Variants in METTL15 observed in about 807,000 individuals in gnomAD.
The protein encoded by METTL15 is 12S rRNA N(4)-cytidine methyltransferase METTL15.
A neutral mutation model predicts 38.3 loss-of-function variants in METTL15; 34 were observed. That is an observed-to-expected ratio of 0.89 (90% CI 0.68 to 1.18). The LOEUF (loss-of-function observed/expected upper bound fraction) is 1.18, where lower values mean the gene tolerates loss of function less well. Among genes scored for constraint, METTL15 ranks in the 50% most tolerant of loss-of-function variants. The pLI, the probability that METTL15 is intolerant of heterozygous loss-of-function variation, is 0.00. For missense variants in METTL15, 438 were observed against 498.4 expected (o/e 0.88, Z 1.15); for synonymous variants, 162 against 170.9 (o/e 0.95, Z 0.41).
At position 28,296,743 on chromosome 11, in the gene METTL15, T is replaced by G. The variant is rs776737567; in HGVS notation, c.600-10T>G. On this transcript the variant is annotated splice_polypyrimidine_tract_variant and intron_variant, in intron 5 of 6. Coordinates refer to ENST00000407364, the MANE Select transcript of METTL15 (RefSeq NM_001113528.2). ...ATGTCAGTGAACTAATTGGCTCTTC[T>G]TGTGCGTAGGTACCCTGACATGCCC... 2.5e-6 allele frequency: 4 copies of G among 1,612,186 alleles called. No homozygotes were observed. The highest frequency in any genetic ancestry group is 3.4e-6 in the Non-Finnish European group (4 of 1,179,198).
At chr11:28,304,062 C>T (rs564736331) in intron 6 of METTL15, among the ~76,000 whole-genome samples, 2 of 152,154 alleles carry the variant, frequency 1.3e-5, no homozygotes, top group East Asian at 3.9e-4. Flanking sequence ...TGCAAATATT[C>T]TTGTAAGCAT....
intron 5 of METTL15, among the ~76,000 whole-genome samples, chr11:28,419,585 C>A (rs1850802700): frequency 1.3e-5 from 2 of 152,132 alleles, no homozygotes; most frequent in South Asian, 4.1e-4. Flanking sequence ...CATAAATACA[C>A]AACTCTTCAA....
At chr11:28,225,360 T>C (rs972032944) in intron 4 of METTL15, among the ~76,000 whole-genome samples, 6 of 151,958 alleles carry the variant, frequency 3.9e-5, no homozygotes, top group African/African-American at 1.2e-4. Flanking sequence ...TTAAGTAGTT[T>C]ATCTTTAAGA....
chr11:28,426,588 T>TTG (rs2133425622), intron 6 of METTL15, among the ~76,000 whole-genome samples: 1 of 114,706 alleles, frequency 8.7e-6, no homozygotes, highest in African/African-American at 4.1e-5. Flanking sequence ...GCATCTGTTT[T>TTG]TTTTTTTTTT....
chr11:28,218,033 C>A (rs192603640), intron 4 of METTL15, among the ~76,000 whole-genome samples: 1 of 152,018 alleles, frequency 6.6e-6, no homozygotes, highest in Admixed American at 6.6e-5. Context: ...CGTGACTTGG[C>A]GATGTGGGCT....
intron 6 of METTL15, among the ~76,000 whole-genome samples, chr11:28,325,103 ACT>A (rs1310182585): frequency 1.3e-5 from 2 of 150,288 alleles, no homozygotes; most frequent in Non-Finnish European, 3.0e-5. Context: ...GACAGCTCTG[ACT>A]CTCTCTCTCT....
At chr11:28,239,324 TA>T (rs1854182390) in intron 4 of METTL15, among the ~76,000 whole-genome samples, 1 of 152,200 alleles carries the variant, frequency 6.6e-6, no homozygotes, top group Non-Finnish European at 1.5e-5. Flanking sequence ...TCAGGCAAAA[TA>T]AAATTCTTTT....
chr11:28,192,392 T>G (rs1851730174), intron 3 of METTL15, among the ~76,000 whole-genome samples: 1 of 151,840 alleles, frequency 6.6e-6, no homozygotes, highest in Non-Finnish European at 1.5e-5. Flanking sequence ...TTGACCACAA[T>G]GTAGTTATTC....
At chr11:28,375,628 C>T (rs536575645) in intron 5 of METTL15, among the ~76,000 whole-genome samples, 12 of 152,166 alleles carry the variant, frequency 7.9e-5, no homozygotes, top group Admixed American at 5.2e-4. Flanking sequence ...CTCCTGGTTT[C>T]ATTAATTTTT....
intron 5 of METTL15, among the ~76,000 whole-genome samples, chr11:28,377,049 C>T (rs1293428949): frequency 7.6e-6 from 1 of 132,006 alleles, no homozygotes; most frequent in East Asian, 2.0e-4. Context: ...TGATGGGCTT[C>T]CCTTTGAGGG....
rs368566250 is a variant in METTL15, at chr11:28,331,996, C to T, written c.*1155C>T. The T allele has an allele frequency of 6.6e-6, 1 of 151,934 alleles. No homozygotes were observed. Among genetic ancestry groups the T allele is most frequent in the East Asian group, 1.9e-4 (1 of 5,194 alleles). 9.4% of individuals were successfully genotyped at this position (151,934 alleles called of 1,614,324 possible). On this transcript the variant is annotated 3_prime_UTR_variant, in exon 7 of 7. Transcript: ENST00000407364. ...TTGCTCAGTGCACTTTTTTCAAATA[C>T]AGAAAAAAGATTCTCCATTATAGTT...
At chr11:28,391,659 C>T (rs1483786996) in intron 5 of METTL15, among the ~76,000 whole-genome samples, 7 of 152,106 alleles carry the variant, frequency 4.6e-5, no homozygotes, top group Middle Eastern at 3.4e-3. Context: ...GAAATAACAC[C>T]GCTTATCTAC....
intron 3 of METTL15, among the ~76,000 whole-genome samples, chr11:28,158,478 C>A (rs1372748825): frequency 6.6e-6 from 1 of 152,124 alleles, no homozygotes; most frequent in Non-Finnish European, 1.5e-5. Flanking sequence ...AACACCAAGC[C>A]CTCGATATGG....
chr11:28,491,275 C>A (rs2133481963), intron 6 of METTL15, among the ~76,000 whole-genome samples: 1 of 152,246 alleles, frequency 6.6e-6, no homozygotes, highest in African/African-American at 2.4e-5. Flanking sequence ...ATTCATATTG[C>A]TGAATTAAAT....
At chr11:28,212,121 A>G (rs757219994) in intron 4 of METTL15, among the ~76,000 whole-genome samples, 3 of 152,070 alleles carry the variant, frequency 2.0e-5, no homozygotes, top group Admixed American at 2.0e-4. Flanking sequence ...GTAATTCGTC[A>G]TCTAGAATAG....
At chr11:28,166,967 A>G (rs907225300) in intron 3 of METTL15, among the ~76,000 whole-genome samples, 1 of 152,160 alleles carries the variant, frequency 6.6e-6, no homozygotes, top group Non-Finnish European at 1.5e-5. Context: ...AAATAAAAAT[A>G]CTGAAAATGA....
At chr11:28,499,416 C>T (rs1029346729) in intron 6 of METTL15, among the ~76,000 whole-genome samples, 2 of 152,062 alleles carry the variant, frequency 1.3e-5, no homozygotes, top group Non-Finnish European at 2.9e-5. Flanking sequence ...TGGTTTCTAA[C>T]CTAAATAAAT....
At chr11:28,171,790 CTT>C (rs926523103) in intron 3 of METTL15, among the ~76,000 whole-genome samples, 1 of 147,802 alleles carries the variant, frequency 6.8e-6, no homozygotes, top group African/African-American at 2.5e-5. Flanking sequence ...CTCTCTCTCT[CTT>C]TTTTTTTTCT....
At chr11:28,408,602 A>G (rs945550016) in intron 5 of METTL15, among the ~76,000 whole-genome samples, 3 of 152,186 alleles carry the variant, frequency 2.0e-5, no homozygotes, top group African/African-American at 7.2e-5. Context: ...GGATAAATAA[A>G]TGATCATATG....
Sources: allele counts gnomAD v4.1 joint callset (sites outside exome capture counted in the v4.1 genomes callset), GRCh38; gene constraint gnomAD v4.1.1; transcripts MANE v1.5; gene names NCBI Gene and HGNC (gene_info 2026-07-23, HGNC 2026-07-21).